SMG6: variants seen among roughly 807,000 people sequenced by gnomAD.
The protein encoded by SMG6 is telomerase-binding protein EST1A.
In SMG6, 66 loss-of-function variants were observed where a neutral mutation model predicts 142.2. That is an observed-to-expected ratio of 0.46 (90% CI 0.38 to 0.57). The LOEUF is 0.57. Ranked by LOEUF, SMG6 falls within the 20% of genes least tolerant of loss-of-function variation. SMG6 has a pLI of 0.00. For missense variants in SMG6, 1,793 were observed against 1,832.0 expected (o/e 0.98, Z 0.39); for synonymous variants, 779 against 702.4 (o/e 1.11, Z -1.72).
At chr17:2,289,941 C>CAT (rs3055883) in intron 6 of SMG6, among the ~76,000 whole-genome samples, 8,780 of 141,466 alleles carry the variant, frequency 0.062, 282 homozygotes, top group Non-Finnish European at 0.081. Context: ...TTATTTTATA[C>CAT]ATATATATAT....
intron 8 of SMG6, among the ~76,000 whole-genome samples, chr17:2,276,192 T>C (rs373134754): frequency 3.3e-5 from 5 of 152,196 alleles, no homozygotes; most frequent in South Asian, 2.1e-4. Context: ...AACACAAACT[T>C]TGCCTTTCCT....
At chr17:2,117,973 T>C (rs2069559235) in intron 13 of SMG6, among the ~76,000 whole-genome samples, 1 of 152,250 alleles carries the variant, frequency 6.6e-6, no homozygotes, top group South Asian at 2.1e-4. Context: ...CCAGGCACAC[T>C]GGCTCATGTC....
intron 13 of SMG6, among the ~76,000 whole-genome samples, chr17:2,149,167 T>C (rs867738619): frequency 6.6e-6 from 1 of 151,872 alleles, no homozygotes; most frequent in Non-Finnish European, 1.5e-5. Context: ...CTGGCCAACA[T>C]GGCGAAACCC....
At position 2,269,927 on chromosome 17, in the gene SMG6, G is replaced by A. The variant is rs547961277; in HGVS notation, c.2661+12720C>T. Among the ~76,000 whole-genome samples, 46 of 152,266 alleles carry A rather than the reference G, an allele frequency of 3.0e-4. 1 individual carries two copies. Among genetic ancestry groups the A allele is most frequent in the South Asian group, 2.1e-3 (10 of 4,826 alleles). Reference sequence around the variant, plus strand: ...GCCTGTAATCCTAGTGCTTTGGGAGGTCAAGGCAAGAGGATGGCTTGAGCC... The same window carrying A: ...GCCTGTAATCCTAGTGCTTTGGGAGATCAAGGCAAGAGGATGGCTTGAGCC... On this transcript the variant is annotated intron_variant, in intron 8 of 18. Transcript: ENST00000263073.
rs1045880708 is a variant in SMG6 at position 2,087,231 on chromosome 17, A to G, written c.3358-1330T>C. The G allele has an allele frequency of 2.2e-5, 29 of 1,289,778 alleles. 1 individual carries two copies. The highest frequency in any genetic ancestry group is 2.8e-5 in the Non-Finnish European group (28 of 988,868). 79.9% of individuals were successfully genotyped at this position (1,289,778 alleles called of 1,614,324 possible). The stretch of plus-strand genomic sequence containing the variant: ...TGCACACAGTAGGCTCACAGTAAAG[A>G]CGGACAGCCCAGGGAAGCTCGGCTG... On this transcript the variant is annotated intron_variant, in intron 13 of 18. Transcript: ENST00000263073.
intron 13 of SMG6, among the ~76,000 whole-genome samples, chr17:2,156,129 C>A (rs2070994686): frequency 6.6e-6 from 1 of 150,780 alleles, no homozygotes; most frequent in South Asian, 2.1e-4. Context: ...GTGGTTCACG[C>A]CTGTAATCCC....
At chr17:2,099,696 C>T (rs1436311650) in intron 13 of SMG6, among the ~76,000 whole-genome samples, 2 of 152,164 alleles carry the variant, frequency 1.3e-5, no homozygotes, top group Non-Finnish European at 2.9e-5. Flanking sequence ...AACGAACTAG[C>T]CTATCCATAG....
Position 2,282,641 on chromosome 17 carries a change from AC to A in SMG6, c.2661+5del. ...TTGGCTCATTGCATCATTCTCAGGA[AC>A]TTACATCACTGGGACTCAGGCTGCC... On this transcript the variant is annotated splice_donor_5th_base_variant and intron_variant, in intron 8 of 18. Transcript: ENST00000263073. 3 of 1,613,466 alleles carry A rather than the reference AC, an allele frequency of 1.9e-6. No homozygotes were observed. The highest frequency in any genetic ancestry group is 2.5e-6 in the Non-Finnish European group (3 of 1,179,860).
intron 10 of SMG6, among the ~76,000 whole-genome samples, chr17:2,230,336 AGG>A (rs113515930): frequency 0.014 from 351 of 25,814 alleles, 20 homozygotes; most frequent in East Asian, 0.031. Flanking sequence ...AAAAAAAAAA[AGG>A]GAAAACCACA....
At chr17:2,122,162 G>A (rs563655916) in intron 13 of SMG6, among the ~76,000 whole-genome samples, 1 of 152,262 alleles carries the variant, frequency 6.6e-6, no homozygotes, top group Admixed American at 6.5e-5. Flanking sequence ...TGGGTGGATA[G>A]ATGGGGGAAG....
intron 13 of SMG6, among the ~76,000 whole-genome samples, chr17:2,123,399 C>T (rs1441230967): frequency 1.3e-5 from 2 of 152,118 alleles, no homozygotes; most frequent in African/African-American, 2.4e-5. Flanking sequence ...GGCAGTACGA[C>T]GGAAAGAGGC....
intron 18 of SMG6, chr17:2,062,386 G>C (rs1361525534): frequency 1.3e-5 from 2 of 152,134 alleles, no homozygotes; most frequent in Admixed American, 1.3e-4. Flanking sequence ...ACATACACTT[G>C]GACATATAAC....
chr17:2,190,548 G>T (rs983513618), intron 10 of SMG6, among the ~76,000 whole-genome samples: 1 of 152,216 alleles, frequency 6.6e-6, no homozygotes, highest in African/African-American at 2.4e-5. Context: ...AGTTCAAGGT[G>T]GGGGCTAGGG....
chr17:2,252,049 A>G (rs8082546), intron 8 of SMG6, among the ~76,000 whole-genome samples: 62,348 of 151,270 alleles, frequency 0.41, 13,748 homozygotes, highest in African/African-American at 0.57. Context: ...GCAGTGAGCC[A>G]AGATCGCACC....
rs562278527 is a variant in SMG6 at position 2,198,482 on chromosome 17, C to T, written c.2870-9967G>A. Among the ~76,000 whole-genome samples, 99 of 152,148 alleles carry T rather than the reference C, an allele frequency of 6.5e-4. 1 individual carries two copies. The highest frequency in any genetic ancestry group is 1.2e-3 in the Non-Finnish European group (84 of 68,026). Reference sequence around the variant, plus strand: ...GCACAGAACCCCACACACACACGCACACAAGTGCAAGATAACTTGTGAAAT... The same window carrying T: ...GCACAGAACCCCACACACACACGCATACAAGTGCAAGATAACTTGTGAAAT... On this transcript the variant is annotated intron_variant, in intron 10 of 18. Coordinates refer to ENST00000263073, the MANE Select transcript of SMG6 (RefSeq NM_017575.5).
At chr17:2,091,692 A>C (rs2068720790) in intron 13 of SMG6, among the ~76,000 whole-genome samples, 2 of 135,102 alleles carry the variant, frequency 1.5e-5, no homozygotes, top group East Asian at 2.0e-4. Context: ...TTTTTTTGAG[A>C]GAGAGTCTCG....
intron 10 of SMG6, among the ~76,000 whole-genome samples, chr17:2,203,942 T>C (rs1385330952): frequency 6.6e-6 from 1 of 152,170 alleles, no homozygotes; most frequent in Non-Finnish European, 1.5e-5. Flanking sequence ...ATTAACTCAA[T>C]TTCTTTTCAT....
chr17:2,299,513 G>T lies in SMG6; in HGVS notation c.1240C>A (p.His414Asn). The T allele has an allele frequency of 6.2e-7, 1 of 1,614,132 alleles. No homozygotes were observed. ...RGRGILILPA[H>N]TTLSVNSAGS... Reference sequence around the variant, plus strand: ...GCTGAATTGACAGATAGGGTGGTATGGGCAGGCAAAATCAGAATGCCACGA... The same window carrying T: ...GCTGAATTGACAGATAGGGTGGTATTGGCAGGCAAAATCAGAATGCCACGA... Residue 414 changes from histidine (H) to asparagine (N), a missense_variant, in exon 2 of 19, where the codon CAT (histidine) becomes AAT (asparagine). Physicochemically the swap from His to Asn is moderately conservative, Grantham distance 68. Transcript: ENST00000263073. This position sits in a 1 kb window ranked among gnomAD's most constrained non-coding sequence, Gnocchi z 4.3.
intron 8 of SMG6, among the ~76,000 whole-genome samples, chr17:2,280,126 A>G (rs544819154): frequency 6.6e-6 from 1 of 152,328 alleles, no homozygotes; most frequent in Non-Finnish European, 1.5e-5. Context: ...AGGAACAGAG[A>G]AAGCAAGCTA....
Sources: allele counts gnomAD v4.1 joint callset (sites outside exome capture counted in the v4.1 genomes callset), GRCh38; gene constraint gnomAD v4.1.1; non-coding constraint Gnocchi (gnomAD v3.1); transcripts MANE v1.5; gene names NCBI Gene and HGNC (gene_info 2026-07-23, HGNC 2026-07-21).